TMEM117: variants seen among roughly 807,000 people sequenced by gnomAD.
The protein encoded by TMEM117 is transmembrane protein 117.
A neutral mutation model predicts 52.4 loss-of-function variants in TMEM117; 27 were observed. That is an observed-to-expected ratio of 0.51 (90% CI 0.38 to 0.71). The LOEUF is 0.71. Among genes scored for constraint, TMEM117 ranks in the 30% least tolerant of loss-of-function variants. The pLI is 0.00. For synonymous variants in TMEM117, 215 were observed against 206.3 expected (o/e 1.04, Z -0.36); for missense variants, 556 against 630.5 (o/e 0.88, Z 1.26).
At chr12:44,262,701 C>T (rs1001855201) in intron 5 of TMEM117, among the ~76,000 whole-genome samples, 3 of 152,196 alleles carry the variant, frequency 2.0e-5, no homozygotes, top group African/African-American at 7.2e-5. Flanking sequence ...ATTCTCCTGC[C>T]TCAGCCTCCT....
chr12:44,039,107 A>G (rs1946757869), intron 3 of TMEM117, among the ~76,000 whole-genome samples: 1 of 152,096 alleles, frequency 6.6e-6, no homozygotes, highest in South Asian at 2.1e-4. Flanking sequence ...TCTTTCCTCT[A>G]TGGATTGTGT....
chr12:43,849,279 A>C (rs1003431942), intron 2 of TMEM117, among the ~76,000 whole-genome samples: 1 of 152,192 alleles, frequency 6.6e-6, no homozygotes, highest in African/African-American at 2.4e-5. Context: ...GGCTGGATGT[A>C]TTTGGATCCC....
intron 5 of TMEM117, among the ~76,000 whole-genome samples, chr12:44,255,871 G>A (rs549280798): frequency 6.6e-6 from 1 of 151,958 alleles, no homozygotes; most frequent in Non-Finnish European, 1.5e-5. Context: ...ATATGTTTTG[G>A]AAAACAATCC....
chr12:43,831,861 T>A (rs1282672253), upstream of TMEM117, among the ~76,000 whole-genome samples: 3 of 152,154 alleles, frequency 2.0e-5, no homozygotes, highest in East Asian at 3.9e-4. Flanking sequence ...TTCTGTTTTT[T>A]TAACTCTTGG....
At chr12:44,327,243 T>C (rs932272433) in intron 6 of TMEM117, among the ~76,000 whole-genome samples, 7 of 152,202 alleles carry the variant, frequency 4.6e-5, no homozygotes, top group Admixed American at 6.5e-5. Context: ...GTAATTCATA[T>C]TTCAGCCATT....
intron 4 of TMEM117, among the ~76,000 whole-genome samples, chr12:44,163,868 G>A (rs773519481): frequency 2.1e-4 from 32 of 152,132 alleles, no homozygotes; most frequent in Non-Finnish European, 3.8e-4. Context: ...GATTATTGAA[G>A]CCACTCATCA....
At chr12:44,062,639 T>A (rs1420362619) in intron 3 of TMEM117, among the ~76,000 whole-genome samples, 1 of 152,238 alleles carries the variant, frequency 6.6e-6, no homozygotes, top group Non-Finnish European at 1.5e-5. Flanking sequence ...ACTGAGGAGA[T>A]ACACCTGGGA....
At chr12:44,332,561 G>GC (rs1375540013) in intron 6 of TMEM117, among the ~76,000 whole-genome samples, 9 of 151,988 alleles carry the variant, frequency 5.9e-5, no homozygotes, top group Non-Finnish European at 8.8e-5. Flanking sequence ...AAATTCTCAA[G>GC]CACTGTGAGA....
intron 4 of TMEM117, among the ~76,000 whole-genome samples, chr12:44,179,198 A>G (rs1949156220): frequency 6.6e-6 from 1 of 152,118 alleles, no homozygotes; most frequent in Non-Finnish European, 1.5e-5. Flanking sequence ...TATCTCAAAA[A>G]AACAAAACAA....
intron 5 of TMEM117, among the ~76,000 whole-genome samples, chr12:44,230,145 A>T (rs769827503): frequency 1.1e-4 from 16 of 152,104 alleles, no homozygotes; most frequent in Non-Finnish European, 2.1e-4. Flanking sequence ...TTTGTGAAAT[A>T]ATACTGTTTT....
At chr12:44,348,188 G>GT (rs1417144441) in intron 6 of TMEM117, among the ~76,000 whole-genome samples, 1 of 151,642 alleles carries the variant, frequency 6.6e-6, no homozygotes, top group Non-Finnish European at 1.5e-5. Flanking sequence ...ATTAACCAAG[G>GT]TTGACTTTAA....
intron 3 of TMEM117, among the ~76,000 whole-genome samples, chr12:44,075,080 A>AT (rs1386843690): frequency 6.6e-6 from 1 of 152,148 alleles, no homozygotes. Flanking sequence ...GTAAGTGCTG[A>AT]TTTTTTTAGA....
At chr12:44,043,924 T>C (rs1227399595) in intron 3 of TMEM117, among the ~76,000 whole-genome samples, 1 of 152,130 alleles carries the variant, frequency 6.6e-6, no homozygotes, top group Non-Finnish European at 1.5e-5. Flanking sequence ...GACTCTGCAT[T>C]TAGTGTTGCA....
the TMEM117 span, chr12:43,806,431 G>T: frequency 8.9e-7 from 1 of 1,121,592 alleles, no homozygotes; most frequent in Non-Finnish European, 1.1e-6. Context: ...CTTCCTGGCC[G>T]CCGGGCTGCG....
intron 2 of TMEM117, among the ~76,000 whole-genome samples, chr12:43,868,552 A>T (rs1399673727): frequency 6.6e-6 from 1 of 151,532 alleles, no homozygotes; most frequent in African/African-American, 2.4e-5. Flanking sequence ...CACCGTCTCA[A>T]AATAAACAAC....
At chr12:44,268,157 A>C (rs1166056491) in intron 5 of TMEM117, among the ~76,000 whole-genome samples, 1 of 147,352 alleles carries the variant, frequency 6.8e-6, no homozygotes, top group African/African-American at 2.5e-5. Context: ...TTTTTTTTTG[A>C]GACAGAGTCT....
intron 3 of TMEM117, among the ~76,000 whole-genome samples, chr12:44,121,704 T>G (rs1219596103): frequency 6.6e-6 from 1 of 152,200 alleles, no homozygotes; most frequent in Non-Finnish European, 1.5e-5. Context: ...TATTTTTCTC[T>G]TTCCAATTTT....
intron 5 of TMEM117, among the ~76,000 whole-genome samples, chr12:44,293,500 T>C (rs984868442): frequency 6.6e-5 from 10 of 152,098 alleles, no homozygotes; most frequent in Non-Finnish European, 1.3e-4. Flanking sequence ...GTTCCTTTCT[T>C]TTTCTCCTGC....
At chr12:44,367,819 C>CT (rs750362662) in intron 6 of TMEM117, among the ~76,000 whole-genome samples, 2 of 152,126 alleles carry the variant, frequency 1.3e-5, no homozygotes, top group Non-Finnish European at 2.9e-5. Context: ...TCAGCAAATG[C>CT]TATTACCATT....
Sources: allele counts gnomAD v4.1 joint callset (sites outside exome capture counted in the v4.1 genomes callset), GRCh38; gene constraint gnomAD v4.1.1; transcripts MANE v1.5; gene names NCBI Gene and HGNC (gene_info 2026-07-23, HGNC 2026-07-21).